The following CACNA1E variants were observed in gnomAD, a reference collection of about 807,000 sequenced individuals.
CACNA1E encodes calcium voltage-gated channel subunit alpha1 E.
In CACNA1E, 40 loss-of-function variants were observed where a neutral mutation model predicts 259.2. The ratio of observed to expected loss-of-function variants is 0.15; its 90% CI spans 0.12 to 0.20. The LOEUF (loss-of-function observed/expected upper bound fraction) is 0.20. CACNA1E is among the 10% of genes least tolerant of loss of function. CACNA1E has a pLI of 1.00. For missense variants in CACNA1E, 1,874 were observed against 3,040.1 expected (o/e 0.62, Z 9.02); for synonymous variants, 1,104 against 1,138.5 (o/e 0.97, Z 0.61).
chr1:181,517,777 A>G (rs577943461), intron 3 of CACNA1E, among the ~76,000 whole-genome samples: 17 of 152,106 alleles, frequency 1.1e-4, no homozygotes, highest in Non-Finnish European at 2.1e-4. Context: ...ATATATTGAT[A>G]GGTATTTTTA....
At chr1:181,561,391 A>G (rs1329872321) in intron 3 of CACNA1E, among the ~76,000 whole-genome samples, 4 of 152,210 alleles carry the variant, frequency 2.6e-5, no homozygotes, top group Non-Finnish European at 5.9e-5. Context: ...AACTACTACC[A>G]TAATCAAGAT....
chr1:181,676,165 T>C (rs1052440376), intron 7 of CACNA1E, among the ~76,000 whole-genome samples: 1 of 152,130 alleles, frequency 6.6e-6, no homozygotes. Flanking sequence ...GAAGGAAGCA[T>C]TGAGAAGTGC....
intron 6 of CACNA1E, among the ~76,000 whole-genome samples, chr1:181,644,469 T>C (rs1050588938): frequency 1.9e-4 from 29 of 152,176 alleles, no homozygotes; most frequent in Non-Finnish European, 3.8e-4. Flanking sequence ...TGCCCAGTGA[T>C]GTGTGGGGTA....
At chr1:181,791,199 C>T (rs897203784) in intron 44 of CACNA1E, among the ~76,000 whole-genome samples, 33 of 152,296 alleles carry the variant, frequency 2.2e-4, no homozygotes, top group African/African-American at 5.3e-4. Flanking sequence ...TGGCTGGGTG[C>T]GGTGGCTCAC....
chr1:181,762,528 TTTTC>T, intron 32 of CACNA1E, 42 bp from the exon 33 acceptor site: 1 of 1,116,322 alleles, frequency 9.0e-7, no homozygotes, highest in Non-Finnish European at 1.3e-6. Flanking sequence ...CTCCTTTTTT[TTTTC>T]TTTCCTTTTC....
intron 1 of CACNA1E, among the ~76,000 whole-genome samples, chr1:181,354,856 A>G (rs1042267974): frequency 6.6e-6 from 1 of 152,172 alleles, no homozygotes; most frequent in Non-Finnish European, 1.5e-5. Context: ...AAGAAACCAA[A>G]CCAGAAAATT....
At chr1:181,369,581 G>A (rs992838786) in intron 1 of CACNA1E, among the ~76,000 whole-genome samples, 1 of 152,140 alleles carries the variant, frequency 6.6e-6, no homozygotes, top group Non-Finnish European at 1.5e-5. Flanking sequence ...TTAGCAGCTG[G>A]TGCCAGCCTG....
chr1:181,610,240 C>G (rs1157717802), intron 6 of CACNA1E, among the ~76,000 whole-genome samples: 1 of 152,192 alleles, frequency 6.6e-6, no homozygotes, highest in Non-Finnish European at 1.5e-5. Context: ...TTTTCACAGT[C>G]CCTGCACATA....
chr1:181,770,108 G>T (rs1020777807), intron 35 of CACNA1E, among the ~76,000 whole-genome samples: 4 of 152,174 alleles, frequency 2.6e-5, no homozygotes, highest in African/African-American at 9.7e-5. Context: ...ATAGCTGGGG[G>T]CAGAGATTGT....
rs112917092 is a variant in CACNA1E at position 181,466,569 on chromosome 1, A to G, written c.435-17175A>G. Reference sequence around the variant, plus strand: ...TCTTAAACAAAACAAAAAATAAAACAAAGCAAAGCAAAGCAAAACAAAACA... The same window carrying G: ...TCTTAAACAAAACAAAAAATAAAACGAAGCAAAGCAAAGCAAAACAAAACA... On this transcript the variant is annotated intron_variant, in intron 2 of 11. Coordinates refer to the CACNA1E transcript ENST00000524607. Among the ~76,000 whole-genome samples the G allele has an allele frequency of 6.4e-3, 968 of 152,198 alleles. 13 individuals carry two copies. The highest frequency in any genetic ancestry group is 0.022 in the African/African-American group (920 of 41,526).
chr1:181,737,500 G>C (rs763452996), intron 22 of CACNA1E, 25 bp from the exon 23 acceptor site: 24 of 1,612,664 alleles, frequency 1.5e-5, no homozygotes, highest in Non-Finnish European at 1.3e-5. Context: ...GAGTGGGCCA[G>C]CTCAGCCATG....
Position 181,807,654 on chromosome 1 carries a change from C to T in CACNA1E, c.*8820C>T, listed in dbSNP as rs895321213. ...AGAAACCAGCATTCCAAAATAAGTC[C>T]CCTAAGTTTGTAGTTTGAGCCAAGA... On this transcript the variant is annotated 3_prime_UTR_variant, in exon 48 of 48. Coordinates refer to ENST00000367573, the MANE Select transcript of CACNA1E (RefSeq NM_001205293.3). 1 of 151,820 alleles carries T rather than the reference C, an allele frequency of 6.6e-6. No homozygotes were observed. Among genetic ancestry groups the T allele is most frequent in the Non-Finnish European group, 1.5e-5 (1 of 67,994 alleles). 9.4% of individuals were successfully genotyped at this position (151,820 alleles called of 1,614,324 possible). A position where few individuals can be genotyped will look rare whatever the true frequency, so the allele number is the denominator to read the frequency against.
At chr1:181,741,287 C>T (rs1656548149) in intron 25 of CACNA1E, among the ~76,000 whole-genome samples, 1 of 152,202 alleles carries the variant, frequency 6.6e-6, no homozygotes, top group South Asian at 2.1e-4. Flanking sequence ...CTCTACTTTC[C>T]AGCTTTGTGT....
At chr1:181,663,419 C>A (rs563493637) in intron 7 of CACNA1E, among the ~76,000 whole-genome samples, 1 of 152,306 alleles carries the variant, frequency 6.6e-6, no homozygotes, top group East Asian at 1.9e-4. Flanking sequence ...TTTGGAGTCA[C>A]AGATGTCTCT....
chr1:181,521,541 G>A (rs1018842639), intron 3 of CACNA1E, among the ~76,000 whole-genome samples: 5 of 152,194 alleles, frequency 3.3e-5, no homozygotes, highest in African/African-American at 7.2e-5. Flanking sequence ...AGGGAAGGAA[G>A]TATAGAGGCA....
intron 44 of CACNA1E, among the ~76,000 whole-genome samples, chr1:181,792,515 C>T (rs543256360): frequency 2.2e-4 from 34 of 152,314 alleles, no homozygotes; most frequent in South Asian, 6.2e-4. Flanking sequence ...GAACTGTGTG[C>T]TATACAAAGC....
intron 26 of CACNA1E, among the ~76,000 whole-genome samples, chr1:181,750,982 G>A (rs1202301659): frequency 6.6e-6 from 1 of 152,016 alleles, no homozygotes; most frequent in African/African-American, 2.4e-5. Context: ...TGTCAGGGGG[G>A]TGGGGTAGGG....
chr1:181,770,268 G>A (rs1028260540), intron 35 of CACNA1E, among the ~76,000 whole-genome samples: 3 of 152,200 alleles, frequency 2.0e-5, no homozygotes, highest in African/African-American at 7.2e-5. Context: ...TCTCAACATT[G>A]ACTTGTGAGA....
intron 2 of CACNA1E, among the ~76,000 whole-genome samples, chr1:181,440,323 C>T (rs1290238498): frequency 6.6e-6 from 1 of 152,090 alleles, no homozygotes; most frequent in African/African-American, 2.4e-5. Context: ...TTATTGATGC[C>T]CCAGGGGTGT....
Sources: allele counts gnomAD v4.1 joint callset (sites outside exome capture counted in the v4.1 genomes callset), GRCh38; gene constraint gnomAD v4.1.1; transcripts MANE v1.5; gene names NCBI Gene and HGNC (gene_info 2026-07-23, HGNC 2026-07-21).